The following SLC9C1 variants were observed in gnomAD, a reference collection of about 807,000 sequenced individuals.
The protein encoded by SLC9C1 is sodium/hydrogen exchanger 10.
SLC9C1 carries 97 observed loss-of-function variants against 140.9 expected under a neutral mutation model. That is an observed-to-expected ratio of 0.69 (90% CI 0.58 to 0.82). The LOEUF (loss-of-function observed/expected upper bound fraction) is 0.82, where lower values mean the gene tolerates loss of function less well. Among genes scored for constraint, SLC9C1 ranks in the 40% least tolerant of loss-of-function variants. The pLI is 0.00. For missense variants in SLC9C1, 1,340 were observed against 1,389.3 expected (o/e 0.96, Z 0.56); for synonymous variants, 440 against 442.6 (o/e 0.99, Z 0.07).
intron 6 of SLC9C1, among the ~76,000 whole-genome samples, chr3:112,270,308 G>A (rs552399815): frequency 6.6e-6 from 1 of 152,258 alleles, no homozygotes; most frequent in African/African-American, 2.4e-5. Flanking sequence ...AGTTTTTTGA[G>A]GAACTTCCAC....
At chr3:112,281,872 A>C (rs1252480742) in intron 2 of SLC9C1, among the ~76,000 whole-genome samples, 1 of 152,240 alleles carries the variant, frequency 6.6e-6, no homozygotes, top group Non-Finnish European at 1.5e-5. Flanking sequence ...GTTTGGAGAC[A>C]ATGCTCCAAA....
At chr3:112,175,972 C>A (rs73853325) in intron 23 of SLC9C1, among the ~76,000 whole-genome samples, 5 of 152,184 alleles carry the variant, frequency 3.3e-5, no homozygotes, top group South Asian at 4.1e-4. Flanking sequence ...TGGTCAGTCC[C>A]CTGGATTCAG....
At position 112,202,273 on chromosome 3, in the gene SLC9C1, T is replaced by G. The variant is rs1272779492; in HGVS notation, c.2299A>C (p.Thr767Pro). The G allele has an allele frequency of 6.2e-7, 1 of 1,611,054 alleles. No individual in the cohort carries two copies. Among genetic ancestry groups the G allele is most frequent in the African/African-American group, 1.3e-5 (1 of 74,806 alleles). Residue 767 changes from threonine (T) to proline (P), a missense_variant, in exon 18 of 29, where the codon ACA becomes CCA. Thr to Pro is a conservative substitution (Grantham distance 38). Coordinates refer to ENST00000305815, the MANE Select transcript of SLC9C1 (RefSeq NM_183061.3). ...ACCTGTTTAATCTGTTTAGAACTTGTAATCTGATCAATTATGGTCATTATG... is the reference window on the plus strand; with the variant it reads ...ACCTGTTTAATCTGTTTAGAACTTGGAATCTGATCAATTATGGTCATTATG... ...ADIMTIIDQI[T>P]SSKQIKQMLL...
At chr3:112,264,000 A>G (rs2079847538) in intron 9 of SLC9C1, among the ~76,000 whole-genome samples, 200 bp downstream of exon 9, 1 of 151,666 alleles carries the variant, frequency 6.6e-6, no homozygotes. Flanking sequence ...TTTCTAATTA[A>G]AAAAACTTAT....
At chr3:112,202,463 A>G (rs1270847195) in intron 17 of SLC9C1, 64 bp from the exon 18 acceptor site, 3 of 1,470,342 alleles carry the variant, frequency 2.0e-6, no homozygotes, top group Non-Finnish European at 2.7e-6. Flanking sequence ...TATGTTGATT[A>G]GTTTAATCAA....
At chr3:112,168,065 C>T (rs2077173162) in intron 25 of SLC9C1, among the ~76,000 whole-genome samples, 1 of 152,158 alleles carries the variant, frequency 6.6e-6, no homozygotes, top group Non-Finnish European at 1.5e-5. Context: ...AAAATCTACC[C>T]TGTAAGTGCT....
rs946900822 is a variant in SLC9C1 at position 112,190,968 on chromosome 3, T to C, written c.2523+8353A>G. Among the ~76,000 whole-genome samples the C allele has an allele frequency of 1.5e-3, 195 of 129,406 alleles. 1 individual carries two copies. The highest frequency in any genetic ancestry group is 5.5e-3 in the African/African-American group (172 of 31,172). 84.9% of individuals were successfully genotyped at this position (129,406 alleles called of 152,430 possible). A position where few individuals can be genotyped will look rare whatever the true frequency, so the allele number is the denominator to read the frequency against. ...ACACACACACACACACACACACATA[T>C]ATATATATGGCTTTGTAAGTGGTTT... On this transcript the variant is annotated intron_variant, in intron 20 of 28. Transcript: ENST00000305815.
intron 12 of SLC9C1, among the ~76,000 whole-genome samples, chr3:112,237,080 T>C (rs967766224): frequency 1.3e-5 from 2 of 152,154 alleles, no homozygotes; most frequent in Non-Finnish European, 2.9e-5. Context: ...ATTTCTCCCA[T>C]TATTATTGTG....
rs763279481 is a variant in SLC9C1 at position 112,280,705 on chromosome 3, A to G, written c.167T>C (p.Val56Ala). 2 of 1,610,778 alleles carry G rather than the reference A, an allele frequency of 1.2e-6. No individual in the cohort carries two copies. Among genetic ancestry groups the G allele is most frequent in the South Asian group, 2.2e-5 (2 of 90,092 alleles). ...CACCTGTGAAGATGTAAAGCTTAAT[A>G]CTTCAAAACTGCATCCAAGTAAAAA... Reference protein sequence around the residue: ...ILFLLGCSFEVLSFTSSQVQR... With the variant: ...ILFLLGCSFEALSFTSSQVQR... Residue 56 changes from valine to alanine, a missense_variant, in exon 3 of 29, where the codon GTA becomes GCA. Transcript: ENST00000305815.
chr3:112,233,050 CATAT>C (rs1226398851), intron 12 of SLC9C1, among the ~76,000 whole-genome samples: 150 of 86,626 alleles, frequency 1.7e-3, no homozygotes, highest in Non-Finnish European at 2.2e-3. Context: ...CACACACACA[CATAT>C]ATATATATAT....
intron 10 of SLC9C1, among the ~76,000 whole-genome samples, chr3:112,246,545 C>T (rs1028358785): frequency 5.9e-5 from 9 of 152,104 alleles, no homozygotes; most frequent in African/African-American, 2.2e-4. Flanking sequence ...GTTAGAAAGT[C>T]TGCCCTACTA....
intron 1 of SLC9C1, among the ~76,000 whole-genome samples, chr3:112,287,719 T>C (rs2080550603): frequency 6.6e-6 from 1 of 152,156 alleles, no homozygotes; most frequent in Non-Finnish European, 1.5e-5. Context: ...TTTAGTGCCT[T>C]CTATCAGCAT....
In SLC9C1 at chr3:112,231,359, A is replaced by C; in HGVS notation, c.1572+2T>G. On this transcript the variant is annotated splice_donor_variant, in intron 13 of 28. Transcript: ENST00000305815. LOFTEE classifies it high-confidence loss of function. ...TAATTTCAAAAGAGAATAATACAGT[A>C]CTATTTGTGCTGACAAGAGACGCCT... is the stretch of plus-strand genomic sequence containing the variant. 6.2e-7 allele frequency: 1 copy of C among 1,613,026 alleles called. No individual in the cohort carries two copies. The highest frequency in any genetic ancestry group is 8.5e-7 in the Non-Finnish European group (1 of 1,179,500).
At chr3:112,180,810 A>G (rs1015527608) in intron 21 of SLC9C1, 148 bp from the exon 22 acceptor site, 34 of 611,408 alleles carry the variant, frequency 5.6e-5, no homozygotes, top group Non-Finnish European at 8.3e-5. Context: ...ATCTTGGCTC[A>G]CTGCACCCTC....
chr3:112,171,274 C>T (rs1360742949), intron 23 of SLC9C1, among the ~76,000 whole-genome samples: 3 of 151,798 alleles, frequency 2.0e-5, no homozygotes, highest in Non-Finnish European at 4.4e-5. Context: ...CTTGCCAATA[C>T]CTGTTATTCA....
intron 13 of SLC9C1, among the ~76,000 whole-genome samples, chr3:112,226,781 T>C (rs1158016678): frequency 2.0e-5 from 3 of 151,510 alleles, no homozygotes; most frequent in Non-Finnish European, 4.4e-5. Flanking sequence ...CTTAAGGAAC[T>C]AAAAAAGTAA....
chr3:112,160,515 C>A (rs142059407), intron 26 of SLC9C1, among the ~76,000 whole-genome samples: 2 of 149,084 alleles, frequency 1.3e-5, no homozygotes, highest in Admixed American at 1.4e-4. Flanking sequence ...TGAGAGTATG[C>A]GGTGTTTGGT....
At chr3:112,266,701 A>G (rs1430994419) in intron 7 of SLC9C1, among the ~76,000 whole-genome samples, 1 of 152,216 alleles carries the variant, frequency 6.6e-6, no homozygotes, top group Non-Finnish European at 1.5e-5. Context: ...CTTAGCAGAC[A>G]TAGTTCTAGT....
rs1283462842 is a variant in SLC9C1, at chr3:112,266,217, CA to C, written c.878+20del. On this transcript the variant is annotated intron_variant, in intron 8 of 28. Coordinates refer to ENST00000305815, the MANE Select transcript of SLC9C1 (RefSeq NM_183061.3). Reference sequence around the variant, plus strand: ...TAGCTTCCAGTGTATGAAATAAAGTCAAAATATGCTATCCACTTACTCAAGA... The same window carrying C: ...TAGCTTCCAGTGTATGAAATAAAGTCAAATATGCTATCCACTTACTCAAGA... 2 of 1,517,694 alleles carry C rather than the reference CA, an allele frequency of 1.3e-6. No individual in the cohort carries two copies. The highest frequency in any genetic ancestry group is 1.8e-6 in the Non-Finnish European group (2 of 1,098,616). The allele number at this position is 1,517,694 out of a possible 1,614,324, so 94.0% of individuals were successfully genotyped here.
Sources: allele counts gnomAD v4.1 joint callset (sites outside exome capture counted in the v4.1 genomes callset), GRCh38; gene constraint gnomAD v4.1.1; transcripts MANE v1.5; gene names NCBI Gene and HGNC (gene_info 2026-07-23, HGNC 2026-07-21).